VWA3B: variants seen among roughly 807,000 people sequenced by gnomAD.
The protein encoded by VWA3B is von Willebrand factor A domain containing 3B.
In VWA3B, 138 loss-of-function variants were observed where a neutral mutation model predicts 158.3. That is an observed-to-expected ratio of 0.87 (90% CI 0.76 to 1.00). The LOEUF (loss-of-function observed/expected upper bound fraction) is 1.00, where lower values mean the gene tolerates loss of function less well. VWA3B is among the 50% of genes least tolerant of loss of function. VWA3B has a pLI of 0.00. For synonymous variants in VWA3B, 596 were observed against 587.3 expected, an observed-to-expected ratio of 1.01 and a Z score of -0.21; for missense variants, 1,555 against 1,565.1, an observed-to-expected ratio of 0.99 and a Z score of 0.11.
the VWA3B span, among the ~76,000 whole-genome samples, chr2:98,322,152 A>G: frequency 1.3e-5 from 2 of 152,188 alleles, no homozygotes; most frequent in African/African-American, 4.8e-5. Context: ...CTTTCTGAGA[A>G]CAAACTAATA....
At chr2:98,314,828 G>A (rs1239919211), downstream of VWA3B, among the ~76,000 whole-genome samples, 1 of 152,088 alleles carries the variant, frequency 6.6e-6, no homozygotes, top group East Asian at 1.9e-4. Flanking sequence ...TTCAAGACCA[G>A]CCTGGCCAAC....
intron 7 of VWA3B, among the ~76,000 whole-genome samples, chr2:98,159,255 G>A (rs796092762): frequency 2.4e-4 from 37 of 152,126 alleles, no homozygotes; most frequent in African/African-American, 7.9e-4. Context: ...TTTTGTTTTG[G>A]TTTGGTTTTT....
At chr2:98,300,839 TTCTCC>T (rs1040133978) in intron 25 of VWA3B, among the ~76,000 whole-genome samples, 25 of 152,132 alleles carry the variant, frequency 1.6e-4, no homozygotes, top group African/African-American at 6.0e-4. Context: ...AAGCGCCTCC[TTCTCC>T]TCTGTGTCCC....
Position 98,256,112 on chromosome 2 carries a change from T to C in VWA3B, c.2793-12T>C, listed in dbSNP as rs1370717394. On this transcript the variant is annotated splice_polypyrimidine_tract_variant and intron_variant, in intron 20 of 27. Transcript: ENST00000477737. ...TGCTACAAAATTATTGTTGACTTTT[T>C]TTTTTTAACAGGCGCTTGAATAAAA... The C allele has an allele frequency of 3.7e-6, 6 of 1,612,928 alleles. No homozygotes were observed. The highest frequency in any genetic ancestry group is 5.1e-6 in the Non-Finnish European group (6 of 1,179,760).
At chr2:98,146,004 G>A (rs2105133964) in intron 7 of VWA3B, among the ~76,000 whole-genome samples, 1 of 152,032 alleles carries the variant, frequency 6.6e-6, no homozygotes, top group East Asian at 1.9e-4. Context: ...CAAACTGCTG[G>A]GATTACAGGT....
intron 4 of VWA3B, 136 bp from the exon 5 acceptor site, chr2:98,121,163 G>A: frequency 1.8e-6 from 2 of 1,103,126 alleles, no homozygotes; most frequent in Non-Finnish European, 2.5e-6. Context: ...TCAGAGGGCT[G>A]GGAGCTATGA....
rs1348731957 is a variant in VWA3B at position 98,270,782 on chromosome 2, A to G, written c.2944A>G (p.Met982Val). ...NWPISLKELS[M>V]LESEILAGKM... Reference sequence around the variant, plus strand: ...GCCCATTTCACTGAAAGAGCTGTCGATGCTGGAAAGTGAAATCCTAGCTGG... The same window carrying G: ...GCCCATTTCACTGAAAGAGCTGTCGGTGCTGGAAAGTGAAATCCTAGCTGG... Residue 982 changes from methionine to valine, a missense_variant, in exon 22 of 28, where the codon ATG (methionine) becomes GTG (valine). Met to Val is a conservative substitution (Grantham distance 21). Coordinates refer to ENST00000477737, the MANE Select transcript of VWA3B (RefSeq NM_144992.5). The G allele has an allele frequency of 1.9e-6, 3 of 1,614,170 alleles. No homozygotes were observed. Among genetic ancestry groups the G allele is most frequent in the South Asian group, 1.1e-5 (1 of 91,084 alleles).
chr2:98,162,453 A>G (rs921534882), intron 7 of VWA3B, among the ~76,000 whole-genome samples: 1 of 152,190 alleles, frequency 6.6e-6, no homozygotes, highest in African/African-American at 2.4e-5. Flanking sequence ...CCTTGGCTAC[A>G]TGGCGAAAGG....
chr2:98,119,689 T>C lies in VWA3B; in HGVS notation c.468T>C (p.Leu156=). 1 of 1,614,162 alleles carries C rather than the reference T, an allele frequency of 6.2e-7. No homozygotes were observed. Among genetic ancestry groups the C allele is most frequent in the African/African-American group, 1.3e-5 (1 of 75,028 alleles). The change falls in exon 4 of 28, where the codon CTT becomes CTC. Residue 156 remains leucine (L), a synonymous_variant. Transcript: ENST00000477737. ...LDFGGILEGE[L]DLCREALTMV... is the part of the protein sequence containing the mutation. ...TTGGCGGCATTCTGGAGGGGGAGCTTGATCTGTGCCGAGAGGCTCTAACAA... is the reference window on the plus strand; with the variant it reads ...TTGGCGGCATTCTGGAGGGGGAGCTCGATCTGTGCCGAGAGGCTCTAACAA...
At chr2:98,212,811 AT>A (rs1052395153) in intron 13 of VWA3B, among the ~76,000 whole-genome samples, 6 of 55,864 alleles carry the variant, frequency 1.1e-4, no homozygotes, top group East Asian at 5.2e-4. Flanking sequence ...TTTATTTAAA[AT>A]TTTTTTTCCT....
At chr2:98,165,217 A>G (rs1005185197) in intron 8 of VWA3B, among the ~76,000 whole-genome samples, 32 of 152,252 alleles carry the variant, frequency 2.1e-4, no homozygotes, top group Non-Finnish European at 2.4e-4. Flanking sequence ...TATGAGCGTT[A>G]GCTCATTTCA....
chr2:98,218,152 G>A, intron 14 of VWA3B, 124 bp downstream of exon 14: 1 of 1,106,934 alleles, frequency 9.0e-7, no homozygotes, highest in Non-Finnish European at 1.2e-6. Context: ...AAAAAAATGA[G>A]TCGCTTAACA....
At chr2:98,091,084 A>G (rs139112147) in intron 1 of VWA3B, among the ~76,000 whole-genome samples, 43 of 152,318 alleles carry the variant, frequency 2.8e-4, no homozygotes, top group African/African-American at 1.0e-3. Context: ...TAAGCCAAGA[A>G]GCTTATTGAG....
chr2:98,286,438 T>C (rs374128620), intron 22 of VWA3B, among the ~76,000 whole-genome samples: 30 of 152,294 alleles, frequency 2.0e-4, no homozygotes, highest in East Asian at 9.6e-4. Flanking sequence ...GAATGTTTTC[T>C]TCTATTCCTG....
At chr2:98,103,106 T>C (rs1287413328) in intron 2 of VWA3B, among the ~76,000 whole-genome samples, 1 of 152,222 alleles carries the variant, frequency 6.6e-6, no homozygotes, top group African/African-American at 2.4e-5. Context: ...CCTCTTTCAT[T>C]CTTTTTTAAT....
Position 98,303,696 on chromosome 2 carries a change from T to C in VWA3B, c.3421-6T>C. On this transcript the variant is annotated splice_region_variant and splice_polypyrimidine_tract_variant and intron_variant, in intron 25 of 27. Transcript: ENST00000477737. The stretch of plus-strand genomic sequence containing the variant: ...AGTTGAGTGAACTCTGTTGGTATTA[T>C]TACAGGAATTTTGCCCTCGGAGTGC... 1 of 1,613,542 alleles carries C rather than the reference T, an allele frequency of 6.2e-7. No homozygotes were observed. The highest frequency in any genetic ancestry group is 1.3e-5 in the African/African-American group (1 of 75,014).
chr2:98,123,500 A>AACAGGAC (rs1675127606), intron 5 of VWA3B, among the ~76,000 whole-genome samples: 1 of 152,350 alleles, frequency 6.6e-6, no homozygotes, highest in East Asian at 1.9e-4. Context: ...GGAAGACTGA[A>AACAGGAC]ACAGGAAGCA....
In VWA3B at chr2:98,188,027, C is replaced by A. The variant is rs775748073; in HGVS notation, c.1364C>A (p.Ala455Asp). Residue 455 changes from alanine to aspartate, a missense_variant, in exon 10 of 28, where the codon GCT becomes GAT. Ala to Asp is a moderately radical substitution (Grantham distance 126). Coordinates refer to ENST00000477737, the MANE Select transcript of VWA3B (RefSeq NM_144992.5). Reference sequence around the variant, plus strand: ...AAATATTGCAGCAGGTTTGTCCATGCTCCCTGGAAGGATGGGAGCTTGGTC... The same window carrying A: ...AAATATTGCAGCAGGTTTGTCCATGATCCCTGGAAGGATGGGAGCTTGGTC... Reference protein sequence around the residue: ...HAKYCSRFVHAPWKDGSLVHV... With the variant: ...HAKYCSRFVHDPWKDGSLVHV... 5 of 1,613,832 alleles carry A rather than the reference C, an allele frequency of 3.1e-6. No individual in the cohort carries two copies. Among genetic ancestry groups the A allele is most frequent in the Non-Finnish European group, 4.2e-6 (5 of 1,179,972 alleles).
At chr2:98,274,301 A>G (rs912528356) in intron 22 of VWA3B, among the ~76,000 whole-genome samples, 2 of 152,212 alleles carry the variant, frequency 1.3e-5, no homozygotes, top group Non-Finnish European at 2.9e-5. Context: ...CTGACAGTGA[A>G]GCCCAGTGCC....
Sources: gnomAD v4.1 joint callset for allele counts (sites outside exome capture counted in the v4.1 genomes callset) on GRCh38, gnomAD v4.1.1 for gene constraint, MANE v1.5 for transcripts, NCBI Gene and HGNC (gene_info 2026-07-23, HGNC 2026-07-21) for gene names.